Variants in FSTL5 observed in about 807,000 individuals in gnomAD.
FSTL5 encodes the protein follistatin like 5.
Under a neutral mutation model 89.1 loss-of-function variants are expected in FSTL5, and 62 were observed. That is an observed-to-expected ratio of 0.70 (90% CI 0.57 to 0.86). The LOEUF (loss-of-function observed/expected upper bound fraction) is 0.86, where lower values mean the gene tolerates loss of function less well. Ranked by LOEUF, FSTL5 falls within the 40% of genes least tolerant of loss-of-function variation. The pLI, the probability that FSTL5 is intolerant of heterozygous loss-of-function variation, is 0.00. For synonymous variants in FSTL5, 383 were observed against 346.2 expected, an observed-to-expected ratio of 1.11 and a Z score of -1.18; for missense variants, 1,057 against 1,001.6, an observed-to-expected ratio of 1.06 and a Z score of -0.75.
intron 4 of FSTL5, among the ~76,000 whole-genome samples, chr4:161,824,574 GAT>G (rs1342900769): frequency 6.6e-6 from 1 of 152,062 alleles, no homozygotes; most frequent in East Asian, 1.9e-4. Context: ...ATGAGCATGG[GAT>G]ATGTTTCTAT....
At chr4:162,136,207 T>C (rs1269381196) in intron 1 of FSTL5, among the ~76,000 whole-genome samples, 1 of 152,062 alleles carries the variant, frequency 6.6e-6, no homozygotes, top group Admixed American at 6.6e-5. Flanking sequence ...TAATGAATAT[T>C]TTTAATATGT....
intron 6 of FSTL5, among the ~76,000 whole-genome samples, chr4:161,743,896 G>C (rs944465768): frequency 3.3e-5 from 5 of 152,142 alleles, no homozygotes; most frequent in Non-Finnish European, 5.9e-5. Context: ...TCGTGTTTTA[G>C]CTGAAACCTA....
intron 2 of FSTL5, among the ~76,000 whole-genome samples, chr4:162,099,133 G>A (rs1034083598): frequency 4.6e-5 from 7 of 151,968 alleles, no homozygotes; most frequent in Admixed American, 1.3e-4. Flanking sequence ...CCTCGAACAT[G>A]TATCATTTCT....
chr4:161,880,577 C>T (rs1732596202), intron 4 of FSTL5, among the ~76,000 whole-genome samples: 1 of 152,022 alleles, frequency 6.6e-6, no homozygotes. Context: ...AATGTATGTC[C>T]ACACAAAACC....
chr4:161,980,336 A>G (rs770313593), intron 3 of FSTL5, among the ~76,000 whole-genome samples: 61 of 152,138 alleles, frequency 4.0e-4, no homozygotes, highest in Middle Eastern at 3.2e-3. Context: ...TGCATAAATT[A>G]TCAAGAGACG....
chr4:161,984,176 T>C (rs1735902119), intron 3 of FSTL5, among the ~76,000 whole-genome samples: 2 of 152,082 alleles, frequency 1.3e-5, no homozygotes, highest in South Asian at 4.1e-4. Flanking sequence ...TGTCATGCTA[T>C]TTGAAATATG....
intron 3 of FSTL5, among the ~76,000 whole-genome samples, chr4:162,027,995 TACA>T (rs1737364953): frequency 6.6e-6 from 1 of 152,172 alleles, no homozygotes. Context: ...CACATTCTTT[TACA>T]ACACTTAATT....
chr4:162,055,505 G>A (rs1738510350), intron 2 of FSTL5, among the ~76,000 whole-genome samples: 1 of 142,332 alleles, frequency 7.0e-6, no homozygotes, highest in Non-Finnish European at 1.5e-5. Context: ...TATATAAATA[G>A]ATAGATGATA....
At chr4:161,820,388 G>T (rs359134) in intron 4 of FSTL5, among the ~76,000 whole-genome samples, 126,267 of 152,126 alleles carry the variant, frequency 0.83, 52,481 homozygotes, top group Admixed American at 0.85. Context: ...AATTCCAATA[G>T]AGAGACACTC....
At chr4:161,486,050 A>T (rs1279076510) in intron 12 of FSTL5, among the ~76,000 whole-genome samples, 1 of 150,428 alleles carries the variant, frequency 6.6e-6, no homozygotes, top group Non-Finnish European at 1.5e-5. Flanking sequence ...AGGCTGAGGC[A>T]GGAGAATGGC....
In FSTL5 at chr4:161,750,020, T is replaced by A. The variant is rs190311405; in HGVS notation, c.727+9391A>T. 6.6e-5 allele frequency among the ~76,000 whole-genome samples: 10 copies of A among 152,116 alleles called. No individual in the cohort carries two copies. The East Asian group carries it at 1.9e-3, about 29-fold the overall frequency. On this transcript the variant is annotated intron_variant, in intron 6 of 15. Transcript: ENST00000306100. ...CAAAAAATACAATACGATAAATACA[T>A]TTGATGTAACTCTTTCTAAAGTAAA...
At chr4:161,617,177 A>G (rs371164161) in intron 7 of FSTL5, among the ~76,000 whole-genome samples, 4 of 151,992 alleles carry the variant, frequency 2.6e-5, no homozygotes, top group African/African-American at 9.7e-5. Context: ...ATATAAATTC[A>G]TATGTATAAA....
intron 8 of FSTL5, among the ~76,000 whole-genome samples, chr4:161,549,443 T>A (rs576717711): frequency 2.4e-4 from 37 of 151,970 alleles, no homozygotes; most frequent in African/African-American, 8.4e-4. Context: ...ATTTAATCAT[T>A]AAATTCCCTG....
rs185347565 is a variant in FSTL5 at position 161,954,151 on chromosome 4, C to T, written c.161-33499G>A. On this transcript the variant is annotated intron_variant, in intron 3 of 15. Coordinates refer to ENST00000306100, the MANE Select transcript of FSTL5 (RefSeq NM_020116.5). ...TAAAACAAAAAAATGAAGATGTATC[C>T]AATTTTTTAAAGGATTTAAATCACT... Among the ~76,000 whole-genome samples the T allele has an allele frequency of 3.0e-4, 45 of 151,382 alleles. No homozygotes were observed. In the East Asian group the frequency reaches 8.2e-3, roughly 27 times the overall value.
chr4:161,522,483 T>A (rs1731071915), intron 10 of FSTL5, among the ~76,000 whole-genome samples: 1 of 151,888 alleles, frequency 6.6e-6, no homozygotes, highest in Non-Finnish European at 1.5e-5. Flanking sequence ...GTTGATAAAA[T>A]ATATACATAT....
chr4:162,087,016 C>A (rs1194973857), intron 2 of FSTL5, among the ~76,000 whole-genome samples: 1 of 151,960 alleles, frequency 6.6e-6, no homozygotes, highest in African/African-American at 2.4e-5. Context: ...AGCCACAAAT[C>A]TTAATTTACT....
intron 2 of FSTL5, among the ~76,000 whole-genome samples, chr4:162,074,472 T>G (rs558433665): frequency 1.3e-5 from 2 of 151,854 alleles, no homozygotes; most frequent in African/African-American, 4.8e-5. Context: ...TATCAAGGAT[T>G]TAATCATCTT....
At chr4:161,421,422 T>G (rs1012209138) in intron 15 of FSTL5, among the ~76,000 whole-genome samples, 2 of 152,074 alleles carry the variant, frequency 1.3e-5, no homozygotes, top group African/African-American at 4.8e-5. Flanking sequence ...CTTCTTCTAG[T>G]GTAAGGTTAC....
At chr4:161,390,986 A>C (rs937909923) in intron 15 of FSTL5, among the ~76,000 whole-genome samples, 1 of 152,244 alleles carries the variant, frequency 6.6e-6, no homozygotes. Flanking sequence ...ACCACCTCAG[A>C]TTTCAAAACA....
Sources: allele counts gnomAD v4.1 joint callset (sites outside exome capture counted in the v4.1 genomes callset), GRCh38; gene constraint gnomAD v4.1.1; transcripts MANE v1.5; gene names NCBI Gene and HGNC (gene_info 2026-07-23, HGNC 2026-07-21).